The following SLC16A7 variants were observed in gnomAD, a reference collection of about 807,000 sequenced individuals.
SLC16A7 encodes solute carrier family 16 member 7, also known as monocarboxylate transporter 2.
SLC16A7 carries 33 observed loss-of-function variants against 34.9 expected under a neutral mutation model. The observed-to-expected ratio is 0.94, with a 90% CI of 0.72 to 1.26. SLC16A7 has a LOEUF of 1.26. Among genes scored for constraint, SLC16A7 ranks in the 50% most tolerant of loss-of-function variants. The probability of loss-of-function intolerance (pLI) is 0.00; values close to 1 mark genes in which losing one functional copy is unlikely to be tolerated. For missense variants in SLC16A7, 573 were observed against 578.1 expected, an observed-to-expected ratio of 0.99 and a Z score of 0.09; for synonymous variants, 201 against 206.6, an observed-to-expected ratio of 0.97 and a Z score of 0.23.
chr12:59,683,757 G>T (rs1387442041), intron 2 of SLC16A7, among the ~76,000 whole-genome samples: 1 of 152,092 alleles, frequency 6.6e-6, no homozygotes, highest in African/African-American at 2.4e-5. Context: ...ATATAATGGG[G>T]GGTATGTAAA....
intron 1 of SLC16A7, among the ~76,000 whole-genome samples, chr12:59,640,304 G>A (rs1490122165): frequency 1.3e-5 from 2 of 152,104 alleles, no homozygotes; most frequent in Admixed American, 1.3e-4. Flanking sequence ...TTACTCTAAT[G>A]TTTTTAATAT....
chr12:59,715,836 G>T (rs1407397771), intron 3 of SLC16A7, among the ~76,000 whole-genome samples: 1 of 152,050 alleles, frequency 6.6e-6, no homozygotes, highest in Non-Finnish European at 1.5e-5. Flanking sequence ...CTTTATAAAG[G>T]TGTTTGTAAT....
chr12:59,775,157 G>C lies in SLC16A7; in HGVS notation c.862G>C (p.Val288Leu). 1.2e-6 allele frequency: 2 copies of C among 1,614,070 alleles called. No individual in the cohort carries two copies. Among genetic ancestry groups the C allele is most frequent in the Non-Finnish European group, 8.5e-7 (1 of 1,180,002 alleles). The change falls in exon 5 of 6, where the codon GTT becomes CTT. Residue 288 changes from valine (V) to leucine (L), a missense_variant. Val to Leu is a conservative substitution (Grantham distance 32, BLOSUM62 1). Coordinates refer to ENST00000547379, the MANE Select transcript of SLC16A7 (RefSeq NM_001270623.2). ...GTACTCGGCAGCTTTTCTGCTATCT[G>C]TTATGGCTTTCGTTGATATGTTTGC... Reference protein sequence around the residue: ...DEYSAAFLLSVMAFVDMFARP... With the variant: ...DEYSAAFLLSLMAFVDMFARP...
At chr12:59,706,316 T>A (rs1873561203) in intron 3 of SLC16A7, among the ~76,000 whole-genome samples, 1 of 152,106 alleles carries the variant, frequency 6.6e-6, no homozygotes, top group African/African-American at 2.4e-5. Context: ...GGACATTATC[T>A]TTTTGTTGTA....
intron 2 of SLC16A7, among the ~76,000 whole-genome samples, chr12:59,672,578 T>G (rs925789035): frequency 4.6e-5 from 7 of 151,914 alleles, no homozygotes; most frequent in Admixed American, 6.6e-5. Context: ...TGGAGATGCT[T>G]CTTCTTCTTG....
Position 59,783,217 on chromosome 12 carries a change from T to A in SLC16A7, c.*3538T>A, listed in dbSNP as rs1042500436. 6.6e-6 allele frequency: 1 copy of A among 151,248 alleles called. No homozygotes were observed. The highest frequency in any genetic ancestry group is 2.5e-5 in the African/African-American group (1 of 40,518). The allele number at this position is 151,248 out of a possible 1,614,324, so 9.4% of individuals were successfully genotyped here. A position where few individuals can be genotyped will look rare whatever the true frequency, so the allele number is the denominator to read the frequency against. ...AAGGCTTTTAATAAAACAAAAATTA[T>A]TATTTTTAGGCTTAATTTAATAGGG... On this transcript the variant is annotated 3_prime_UTR_variant, in exon 6 of 6. Transcript: ENST00000547379.
At chr12:59,755,101 C>T (rs564574577) in intron 3 of SLC16A7, among the ~76,000 whole-genome samples, 2 of 152,108 alleles carry the variant, frequency 1.3e-5, no homozygotes, top group Non-Finnish European at 2.9e-5. Flanking sequence ...ATTGATGGGA[C>T]ATATCTCAAA....
chr12:59,752,827 A>G (rs1348204099), intron 3 of SLC16A7, among the ~76,000 whole-genome samples: 1 of 152,230 alleles, frequency 6.6e-6, no homozygotes, highest in Non-Finnish European at 1.5e-5. Context: ...GTTGAAATGA[A>G]GGAAAAAATG....
At chr12:59,752,627 C>G (rs2711683) in intron 3 of SLC16A7, among the ~76,000 whole-genome samples, 18,032 of 151,156 alleles carry the variant, frequency 0.12, 1,398 homozygotes, top group African/African-American at 0.21. Flanking sequence ...ATCTATGTCT[C>G]ATTGGTGTAC....
At chr12:59,687,713 G>A (rs1251870073) in intron 2 of SLC16A7, among the ~76,000 whole-genome samples, 4 of 152,118 alleles carry the variant, frequency 2.6e-5, no homozygotes, top group East Asian at 1.9e-4. Flanking sequence ...TCAGCTAACC[G>A]TCAAACATTT....
intron 1 of SLC16A7, among the ~76,000 whole-genome samples, chr12:59,627,079 T>C (rs1028944379): frequency 6.6e-6 from 1 of 151,842 alleles, no homozygotes; most frequent in Non-Finnish European, 1.5e-5. Context: ...AGTTGTCTTG[T>C]AAATAAAACT....
chr12:59,643,171 T>A (rs1037822025), intron 1 of SLC16A7, among the ~76,000 whole-genome samples: 1 of 152,152 alleles, frequency 6.6e-6, no homozygotes, highest in Non-Finnish European at 1.5e-5. Context: ...TTTACTCCAA[T>A]GTAATTATTC....
chr12:59,768,383 A>T (rs1881892728), intron 3 of SLC16A7: 1 of 307,950 alleles, frequency 3.2e-6, no homozygotes, highest in Non-Finnish European at 6.5e-6. Context: ...GTGGAGCCTG[A>T]AGGTGTGACT....
intron 2 of SLC16A7, among the ~76,000 whole-genome samples, chr12:59,665,743 A>G (rs1424349090): frequency 6.6e-6 from 1 of 152,046 alleles, no homozygotes; most frequent in Non-Finnish European, 1.5e-5. Context: ...AGGAATTTAT[A>G]TATATATACA....
At chr12:59,617,856 G>C (rs1879524732) in intron 1 of SLC16A7, among the ~76,000 whole-genome samples, 1 of 151,692 alleles carries the variant, frequency 6.6e-6, no homozygotes, top group Non-Finnish European at 1.5e-5. Context: ...CCCAAACTTT[G>C]GAGTTTTAAT....
chr12:59,706,582 TTTGGACAG>T (rs1055569831), intron 3 of SLC16A7, among the ~76,000 whole-genome samples: 2 of 152,250 alleles, frequency 1.3e-5, no homozygotes, highest in South Asian at 2.1e-4. Flanking sequence ...ATGAATCTCC[TTTGGACAG>T]TTGCTTTATA....
chr12:59,606,820 G>A (rs1878964156), intron 1 of SLC16A7, among the ~76,000 whole-genome samples: 1 of 151,826 alleles, frequency 6.6e-6, no homozygotes, highest in Non-Finnish European at 1.5e-5. Flanking sequence ...TAGAGATATT[G>A]TGTGTGTGTG....
intron 1 of SLC16A7, among the ~76,000 whole-genome samples, chr12:59,599,563 C>T (rs1410176688): frequency 2.0e-5 from 3 of 152,146 alleles, no homozygotes; most frequent in Non-Finnish European, 2.9e-5. Flanking sequence ...TTTAGTTAAG[C>T]CACTGGCTGG....
chr12:59,685,722 A>G (rs927122676), intron 2 of SLC16A7, among the ~76,000 whole-genome samples: 7 of 152,130 alleles, frequency 4.6e-5, no homozygotes, highest in Non-Finnish European at 1.0e-4. Context: ...GTTCTTTTAT[A>G]TTTGAATATA....
Sources: gnomAD v4.1 joint callset for allele counts (sites outside exome capture counted in the v4.1 genomes callset) on GRCh38, gnomAD v4.1.1 for gene constraint, MANE v1.5 for transcripts, NCBI Gene and HGNC (gene_info 2026-07-23, HGNC 2026-07-21) for gene names.